The following KCNC2 variants were observed in gnomAD, a reference collection of about 807,000 sequenced individuals.
KCNC2 encodes the protein potassium voltage-gated channel subfamily C member 2.
Under a neutral mutation model 44.5 loss-of-function variants are expected in KCNC2, and 21 were observed. That is an observed-to-expected ratio of 0.47 (90% CI 0.33 to 0.68). KCNC2 has a LOEUF of 0.68. Among genes scored for constraint, KCNC2 ranks in the 30% least tolerant of loss-of-function variants. The pLI is 0.01. For synonymous variants in KCNC2, 391 were observed against 339.1 expected, an observed-to-expected ratio of 1.15 and a Z score of -1.68; for missense variants, 589 against 826.2, an observed-to-expected ratio of 0.71 and a Z score of 3.52.
chr12:75,160,115 C>G (rs912433121), intron 2 of KCNC2, among the ~76,000 whole-genome samples: 9 of 151,776 alleles, frequency 5.9e-5, no homozygotes, highest in African/African-American at 1.9e-4. Context: ...GAGATAGGAC[C>G]TTTAAGGAGG....
intron 2 of KCNC2, among the ~76,000 whole-genome samples, chr12:75,099,453 C>T (rs1217664799): frequency 6.6e-6 from 1 of 152,114 alleles, no homozygotes; most frequent in South Asian, 2.1e-4. Flanking sequence ...GAATTCTGTA[C>T]TTTTGCTATT....
intron 2 of KCNC2, chr12:75,123,954 C>G (rs1470866620): frequency 6.6e-6 from 1 of 152,004 alleles, no homozygotes; most frequent in East Asian, 1.9e-4. Flanking sequence ...TATATGTTCC[C>G]CATTCATCTA....
In KCNC2 at chr12:75,138,998, AAAAAAAAAC is replaced by A. The variant is rs1889445927; in HGVS notation, c.687+68290_687+68298del. On this transcript the variant is annotated intron_variant, in intron 2 of 4. Coordinates refer to ENST00000549446, the MANE Select transcript of KCNC2 (RefSeq NM_139137.4). ...TCCGTGTAAAAAAAAAAAAAAAAAAAAAAAAAAACCAAGAAAGAAAAAAAGGAAAAAGAA... is the reference window on the plus strand; with the variant it reads ...TCCGTGTAAAAAAAAAAAAAAAAAAACAAGAAAGAAAAAAAGGAAAAAGAA... Among the ~76,000 whole-genome samples, 3 of 122,894 alleles carry A rather than the reference AAAAAAAAAC, an allele frequency of 2.4e-5. 1 individual carries two copies. The highest frequency in any genetic ancestry group is 5.9e-5 in the African/African-American group (2 of 33,674). 80.6% of individuals were successfully genotyped at this position (122,894 alleles called of 152,430 possible). A position where few individuals can be genotyped will look rare whatever the true frequency, so the allele number is the denominator to read the frequency against.
chr12:75,109,883 TAA>T (rs920593541), intron 2 of KCNC2, among the ~76,000 whole-genome samples: 6 of 152,016 alleles, frequency 3.9e-5, no homozygotes, highest in Non-Finnish European at 4.4e-5. Flanking sequence ...CTCTAGATCT[TAA>T]AAAAATCTAA....
At chr12:75,061,547 G>A (rs1038279824) in intron 2 of KCNC2, among the ~76,000 whole-genome samples, 1 of 146,660 alleles carries the variant, frequency 6.8e-6, no homozygotes, top group African/African-American at 2.5e-5. Context: ...ACTGGGTGCT[G>A]AGAAATATAA....
At chr12:75,083,135 T>C (rs1037418441) in intron 2 of KCNC2, among the ~76,000 whole-genome samples, 1 of 151,340 alleles carries the variant, frequency 6.6e-6, no homozygotes, top group African/African-American at 2.4e-5. Context: ...TTTTCTAAAA[T>C]AAATATTTAA....
intron 2 of KCNC2, among the ~76,000 whole-genome samples, chr12:75,170,820 G>A (rs894163185): frequency 6.6e-6 from 1 of 151,772 alleles, no homozygotes; most frequent in Non-Finnish European, 1.5e-5. Context: ...GCTTCTGCAA[G>A]TTAAAAGTTC....
chr12:75,042,953 T>C lies in KCNC2; in HGVS notation c.*152A>G. The C allele has an allele frequency of 7.1e-7, 1 of 1,413,230 alleles. No homozygotes were observed. Among genetic ancestry groups the C allele is most frequent in the Admixed American group, 3.0e-5 (1 of 33,208 alleles). 87.5% of individuals were successfully genotyped at this position (1,413,230 alleles called of 1,614,324 possible). On this transcript the variant is annotated 3_prime_UTR_variant, in exon 5 of 5. Coordinates refer to ENST00000549446, the MANE Select transcript of KCNC2 (RefSeq NM_139137.4). The stretch of plus-strand genomic sequence containing the variant: ...GGGTAAGATTCATTAGCTACCCAAG[T>C]GGCATTTCTGACTTCAAATTGTAGT...
chr12:75,087,242 T>A (rs535968321), intron 2 of KCNC2, among the ~76,000 whole-genome samples: 1 of 152,114 alleles, frequency 6.6e-6, no homozygotes, highest in African/African-American at 2.4e-5. Flanking sequence ...TGGGGTATGA[T>A]GTGAATTTGT....
At chr12:75,074,232 A>ATTTTTTTTTT (rs5799196) in intron 2 of KCNC2, among the ~76,000 whole-genome samples, 1 of 94,832 alleles carries the variant, frequency 1.1e-5, no homozygotes, top group African/African-American at 4.0e-5. Flanking sequence ...CTACTCATAG[A>ATTTTTTTTTT]TTTTTTTTTT....
At position 75,113,275 on chromosome 12, in the gene KCNC2, C is replaced by T. The variant is rs17114634; in HGVS notation, c.688-61958G>A. On this transcript the variant is annotated intron_variant, in intron 2 of 4. Coordinates refer to ENST00000549446, the MANE Select transcript of KCNC2 (RefSeq NM_139137.4). Reference sequence around the variant, plus strand: ...AACTAATCACAATGTTCATATCAAGCGATTTGGACCAGTAAGGTAAACATA... The same window carrying T: ...AACTAATCACAATGTTCATATCAAGTGATTTGGACCAGTAAGGTAAACATA... 0.016 allele frequency among the ~76,000 whole-genome samples: 2,376 copies of T among 152,072 alleles called. 245 individuals carry two copies. The East Asian group carries it at 0.28, about 18-fold the overall frequency.
chr12:75,071,288 G>T (rs1203605026), intron 2 of KCNC2, among the ~76,000 whole-genome samples: 1 of 151,976 alleles, frequency 6.6e-6, no homozygotes, highest in African/African-American at 2.4e-5. Context: ...CTACATGACA[G>T]CCTTACTTAT....
intron 2 of KCNC2, among the ~76,000 whole-genome samples, chr12:75,097,774 G>T (rs1161024710): frequency 6.6e-6 from 1 of 151,904 alleles, no homozygotes; most frequent in Non-Finnish European, 1.5e-5. Flanking sequence ...CTGCTTATCA[G>T]CTTTTTGACT....
rs1190416071 is a variant in KCNC2, at chr12:75,043,109, A to C, written c.1913T>G (p.Leu638Trp). ...RRSRSPIPSIL is the reference protein window; with the variant it reads ...RRSRSPIPSIW Reference sequence around the variant, plus strand: ...GATGCAGTTTGGTTGTTTGGTTTACAAGATAGATGGGATGGGAGATCGAGA... The same window carrying C: ...GATGCAGTTTGGTTGTTTGGTTTACCAGATAGATGGGATGGGAGATCGAGA... Residue 638 changes from leucine (L) to tryptophan (W), a missense_variant, in exon 5 of 5, where the codon TTG becomes TGG. Leu to Trp is a moderately conservative substitution (Grantham distance 61). This residue lies in a region of KCNC2 where 171 missense variants were observed against 182.4 expected (regional missense o/e 0.94). Transcript: ENST00000549446. The C allele has an allele frequency of 6.2e-7, 1 of 1,611,846 alleles. No homozygotes were observed. Among genetic ancestry groups the C allele is most frequent in the Admixed American group, 1.7e-5 (1 of 59,766 alleles).
In KCNC2 at chr12:75,041,794, A is replaced by C; in HGVS notation, c.*1311T>G. 1.0e-6 allele frequency: 1 copy of C among 990,684 alleles called. No individual in the cohort carries two copies. The highest frequency in any genetic ancestry group is 1.2e-6 in the Non-Finnish European group (1 of 833,086). The allele number at this position is 990,684 out of a possible 1,614,324, so 61.4% of individuals were successfully genotyped here. ...ATTCACAGTGCCGATTAACTTAGGTAGTCTACAGAGCATCATTAATTTATA... is the reference window on the plus strand; with the variant it reads ...ATTCACAGTGCCGATTAACTTAGGTCGTCTACAGAGCATCATTAATTTATA... On this transcript the variant is annotated 3_prime_UTR_variant, in exon 5 of 5. Coordinates refer to ENST00000549446, the MANE Select transcript of KCNC2 (RefSeq NM_139137.4).
chr12:75,097,611 T>C (rs1442631460), intron 2 of KCNC2, among the ~76,000 whole-genome samples: 1 of 152,054 alleles, frequency 6.6e-6, no homozygotes, highest in Non-Finnish European at 1.5e-5. Context: ...TTTTCTATTT[T>C]CTAAAAGGCC....
chr12:75,102,791 C>T (rs1268155631), intron 2 of KCNC2, among the ~76,000 whole-genome samples: 1 of 151,946 alleles, frequency 6.6e-6, no homozygotes, highest in Non-Finnish European at 1.5e-5. Flanking sequence ...GAGAGTGCCA[C>T]TGCCCATAGA....
chr12:75,072,089 A>G (rs1388369222), intron 2 of KCNC2, among the ~76,000 whole-genome samples: 3 of 152,138 alleles, frequency 2.0e-5, no homozygotes, highest in Non-Finnish European at 4.4e-5. Flanking sequence ...TCAATTTGAT[A>G]TATGTAATTA....
intron 2 of KCNC2, among the ~76,000 whole-genome samples, chr12:75,123,330 T>A (rs1888173172): frequency 6.6e-6 from 1 of 152,194 alleles, no homozygotes; most frequent in Non-Finnish European, 1.5e-5. Flanking sequence ...ACCAGTTCTA[T>A]TCTTAATAGC....
Sources: allele counts gnomAD v4.1 joint callset (sites outside exome capture counted in the v4.1 genomes callset), GRCh38; gene constraint gnomAD v4.1.1; regional missense constraint gnomAD v4.1.1; transcripts MANE v1.5; gene names NCBI Gene and HGNC (gene_info 2026-07-23, HGNC 2026-07-21).